The following ARPP21 variants were observed in gnomAD, a reference collection of about 807,000 sequenced individuals.
ARPP21 encodes cAMP-regulated phosphoprotein 21.
Under a neutral mutation model 113.2 loss-of-function variants are expected in ARPP21, and 69 were observed. The ratio of observed to expected loss-of-function variants is 0.61; its 90% CI spans 0.50 to 0.74. The LOEUF is 0.74. Among genes scored for constraint, ARPP21 ranks in the 30% least tolerant of loss-of-function variants. The probability of loss-of-function intolerance (pLI) is 0.00; values close to 1 mark genes in which losing one functional copy is unlikely to be tolerated. For missense variants in ARPP21, 1,070 were observed against 1,037.4 expected (o/e 1.03, Z -0.43); for synonymous variants, 368 against 375.5 (o/e 0.98, Z 0.23).
intron 9 of ARPP21, among the ~76,000 whole-genome samples, chr3:35,698,308 G>C (rs965339843): frequency 2.6e-5 from 4 of 151,266 alleles, no homozygotes; most frequent in Non-Finnish European, 5.9e-5. Context: ...GAAATATACC[G>C]TAAGAAGGAA....
At chr3:35,767,525 A>T (rs965257455) in intron 19 of ARPP21, among the ~76,000 whole-genome samples, 7 of 152,040 alleles carry the variant, frequency 4.6e-5, no homozygotes, top group Non-Finnish European at 1.0e-4. Flanking sequence ...TCAATAGTTC[A>T]CTCCAAGCAG....
chr3:35,646,441 C>T (rs1302589571), intron 1 of ARPP21, among the ~76,000 whole-genome samples: 1 of 152,006 alleles, frequency 6.6e-6, no homozygotes, highest in Non-Finnish European at 1.5e-5. Context: ...AGCTTTTGGA[C>T]AGAAAACAAG....
chr3:35,762,213 A>G (rs1025302333), intron 19 of ARPP21, among the ~76,000 whole-genome samples: 3 of 151,520 alleles, frequency 2.0e-5, no homozygotes, highest in African/African-American at 7.3e-5. Flanking sequence ...TCAAGAGTCA[A>G]TTGTTATTCT....
At chr3:35,687,666 C>G (rs1006635093) in intron 5 of ARPP21, 73 bp from the exon 6 acceptor site, 2 of 1,387,424 alleles carry the variant, frequency 1.4e-6, no homozygotes, top group Non-Finnish European at 2.0e-6. Context: ...TACTTTATAA[C>G]CTCTATGCAA....
At position 35,691,059 on chromosome 3, in the gene ARPP21, T is replaced by C. The variant is rs775584200; in HGVS notation, c.686+54T>C. On this transcript the variant is annotated intron_variant, in intron 9 of 20. Transcript: ENST00000684406. The stretch of plus-strand genomic sequence containing the variant: ...ATTTTCTTTTTCTCCTATGGATTCA[T>C]TTATAAGATCACAGTATAAAATTCA... The C allele has an allele frequency of 4.8e-5, 74 of 1,542,242 alleles. No individual in the cohort carries two copies. The Admixed American group carries it at 4.8e-4, about 10-fold the overall frequency.
At chr3:35,719,664 A>G (rs1054603264) in intron 13 of ARPP21, among the ~76,000 whole-genome samples, 3 of 152,184 alleles carry the variant, frequency 2.0e-5, no homozygotes, top group African/African-American at 4.8e-5. Flanking sequence ...AGATTATTGA[A>G]GCAGAATTAG....
At chr3:35,653,837 T>C (rs1322465531) in intron 1 of ARPP21, among the ~76,000 whole-genome samples, 2 of 152,220 alleles carry the variant, frequency 1.3e-5, no homozygotes, top group East Asian at 3.9e-4. Context: ...TGTATATCAA[T>C]ATTTGTTTTG....
At chr3:35,664,790 G>A (rs1162760353) in intron 1 of ARPP21, among the ~76,000 whole-genome samples, 1 of 152,120 alleles carries the variant, frequency 6.6e-6, no homozygotes, top group Non-Finnish European at 1.5e-5. Flanking sequence ...CAAGAATACA[G>A]CTGAGACTTG....
chr3:35,724,875 A>G (rs564006813), intron 14 of ARPP21, among the ~76,000 whole-genome samples: 3 of 152,174 alleles, frequency 2.0e-5, no homozygotes, highest in Non-Finnish European at 2.9e-5. Context: ...TCTACTGAAC[A>G]CTGACCCCCT....
intron 14 of ARPP21, among the ~76,000 whole-genome samples, chr3:35,726,594 C>A (rs1318460857): frequency 6.6e-6 from 1 of 150,824 alleles, no homozygotes; most frequent in Non-Finnish European, 1.5e-5. Context: ...CTTTTTTTTT[C>A]CCTCAGGTAA....
chr3:35,749,431 C>CAAAAA lies in ARPP21; in HGVS notation c.2137+5481_2137+5485dup, dbSNP rs61007987. Among the ~76,000 whole-genome samples, 226 of 100,712 alleles carry CAAAAA rather than the reference C, an allele frequency of 2.2e-3. 2 individuals carry two copies. Among genetic ancestry groups the CAAAAA allele is most frequent in the Middle Eastern group, 7.1e-3 (1 of 140 alleles). 66.1% of individuals were successfully genotyped at this position (100,712 alleles called of 152,430 possible). On this transcript the variant is annotated intron_variant, in intron 19 of 20. Coordinates refer to ENST00000684406, the MANE Select transcript of ARPP21 (RefSeq NM_001385562.1). ...CCAAAATCTTGGTCATTCCTAAAAG[C>CAAAAA]AAAAAAAAAAAAAAAAAAAGGAACT...
intron 1 of ARPP21, among the ~76,000 whole-genome samples, chr3:35,669,463 G>C (rs2075777015): frequency 6.6e-6 from 1 of 151,974 alleles, no homozygotes; most frequent in African/African-American, 2.4e-5. Flanking sequence ...TTCTTTTTTG[G>C]ATAATTTTAT....
At chr3:35,639,369 G>C (rs1028637638), upstream of ARPP21, among the ~76,000 whole-genome samples, 1 of 152,068 alleles carries the variant, frequency 6.6e-6, no homozygotes, top group East Asian at 2.0e-4. This position sits in a 1 kb window ranked among gnomAD's most constrained non-coding sequence, Gnocchi z 5.0. Context: ...TGGGGCCCGG[G>C]GTCTCCGGCC....
chr3:35,679,428 A>G (rs923777580), intron 1 of ARPP21, among the ~76,000 whole-genome samples: 18 of 151,750 alleles, frequency 1.2e-4, no homozygotes, highest in African/African-American at 4.4e-4. Context: ...AAGAGGCAAG[A>G]CTTTTGCTCA....
chr3:35,685,014 TA>T, intron 5 of ARPP21: 1 of 984,704 alleles, frequency 1.0e-6, no homozygotes. Context: ...CTTATATTAT[TA>T]AATGTTGATT....
intron 19 of ARPP21, among the ~76,000 whole-genome samples, chr3:35,747,639 C>T (rs1037030164): frequency 6.6e-6 from 1 of 151,856 alleles, no homozygotes; most frequent in Non-Finnish European, 1.5e-5. Flanking sequence ...CCTCATTAGC[C>T]AGGCATGGTG....
At chr3:35,749,433 A>C in intron 19 of ARPP21, among the ~76,000 whole-genome samples, 1 of 146,624 alleles carries the variant, frequency 6.8e-6, no homozygotes, top group Non-Finnish European at 1.5e-5. Flanking sequence ...CCTAAAAGCA[A>C]AAAAAAAAAA....
intron 6 of ARPP21, among the ~76,000 whole-genome samples, 166 bp from the exon 7 acceptor site, chr3:35,689,141 C>T (rs539537773): frequency 6.6e-6 from 1 of 151,672 alleles, no homozygotes; most frequent in South Asian, 2.1e-4. Context: ...AATTTTCATT[C>T]TGATGTTATA....
intron 19 of ARPP21, among the ~76,000 whole-genome samples, chr3:35,748,763 T>C (rs2095288658): frequency 6.6e-6 from 1 of 152,230 alleles, no homozygotes; most frequent in Non-Finnish European, 1.5e-5. Flanking sequence ...TATGGTTTTG[T>C]TCTTGTTGAG....
Sources: allele counts gnomAD v4.1 joint callset (sites outside exome capture counted in the v4.1 genomes callset), GRCh38; gene constraint gnomAD v4.1.1; non-coding constraint Gnocchi (gnomAD v3.1); transcripts MANE v1.5; gene names NCBI Gene and HGNC (gene_info 2026-07-23, HGNC 2026-07-21).